The following TMEM232 variants were observed in gnomAD, a reference collection of about 807,000 sequenced individuals.
TMEM232 encodes the protein transmembrane protein 232.
Under a neutral mutation model 78.8 loss-of-function variants are expected in TMEM232, and 80 were observed. The ratio of observed to expected loss-of-function variants is 1.01; its 90% CI spans 0.85 to 1.22. The LOEUF (loss-of-function observed/expected upper bound fraction) is 1.22. TMEM232 is among the 50% of genes most tolerant of loss of function. TMEM232 has a pLI of 0.00. For missense variants in TMEM232, 881 were observed against 742.2 expected (o/e 1.19, Z -2.17); for synonymous variants, 297 against 254.3 (o/e 1.17, Z -1.60).
intron 12 of TMEM232, 26 bp downstream of exon 12, chr5:110,528,562 A>G (rs1470114382): frequency 1.3e-6 from 2 of 1,502,942 alleles, no homozygotes; most frequent in Admixed American, 4.4e-5. Context: ...TATTAGAACA[A>G]TAAAACCGAT....
At chr5:110,724,029 T>C (rs1052091943) in intron 1 of TMEM232, among the ~76,000 whole-genome samples, 1 of 152,306 alleles carries the variant, frequency 6.6e-6, no homozygotes, top group Non-Finnish European at 1.5e-5. Flanking sequence ...GTCAAGTTGT[T>C]GGAGACGAGT....
chr5:110,412,499 G>A (rs777371131), intron 2 of TMEM232, among the ~76,000 whole-genome samples: 151 of 151,058 alleles, frequency 1.0e-3, no homozygotes, highest in Non-Finnish European at 1.7e-3. Context: ...TTGATATGTC[G>A]AATATGTGAC....
At chr5:110,618,011 A>T (rs1310407837) in intron 8 of TMEM232, 3 of 170,244 alleles carry the variant, frequency 1.8e-5, no homozygotes, top group Non-Finnish European at 3.7e-5. Context: ...ACCAAAAAAA[A>T]TTTTTTTTTA....
intron 11 of TMEM232, among the ~76,000 whole-genome samples, chr5:110,544,061 A>T (rs1773481604): frequency 6.6e-6 from 1 of 152,178 alleles, no homozygotes; most frequent in Non-Finnish European, 1.5e-5. Flanking sequence ...CCTGGCAATG[A>T]ACATTATCTC....
intron 1 of TMEM232, among the ~76,000 whole-genome samples, chr5:110,691,604 G>C (rs1003283708): frequency 4.6e-5 from 7 of 152,174 alleles, no homozygotes; most frequent in Non-Finnish European, 8.8e-5. Flanking sequence ...ACTCTCCTCT[G>C]CAGGGCTGGA....
chr5:110,585,994 G>A (rs1366116289), intron 10 of TMEM232, among the ~76,000 whole-genome samples: 1 of 152,016 alleles, frequency 6.6e-6, no homozygotes, highest in Non-Finnish European at 1.5e-5. Context: ...TAGATTTTTC[G>A]AACTTCTGAC....
rs1376627658 is a variant in TMEM232 at position 110,528,811 on chromosome 5, G to C, written c.1480C>G (p.Pro494Ala). The part of the protein sequence containing the change: ...AQAELNDPTD[P>A]FTRYSTNISS... ...ATATTTGTACTATATCTAGTGAAAG[G>C]ATCAGTTGGGTCATTTAACTCAGCC... The change falls in exon 12 of 14, where the codon CCT becomes GCT. Residue 494 changes from proline (P) to alanine (A), a missense_variant. Transcript: ENST00000455884. The C allele has an allele frequency of 1.5e-5, 23 of 1,498,042 alleles. No individual in the cohort carries two copies. The highest frequency in any genetic ancestry group is 1.9e-5 in the Non-Finnish European group (21 of 1,126,470). The allele number at this position is 1,498,042 out of a possible 1,614,324, so 92.8% of individuals were successfully genotyped here. A position where few individuals can be genotyped will look rare whatever the true frequency, so the allele number is the denominator to read the frequency against.
intron 12 of TMEM232, among the ~76,000 whole-genome samples, chr5:110,472,504 C>G (rs1041295910): frequency 6.6e-6 from 1 of 151,818 alleles, no homozygotes; most frequent in Non-Finnish European, 1.5e-5. Flanking sequence ...AATGCAATAC[C>G]TATCAAAATA....
intron 13 of TMEM232, among the ~76,000 whole-genome samples, chr5:110,422,297 C>A (rs1396704288): frequency 6.6e-6 from 1 of 151,774 alleles, no homozygotes; most frequent in Non-Finnish European, 1.5e-5. Flanking sequence ...GGGCGGATCA[C>A]GAGGTCAGGA....
intron 2 of TMEM232, among the ~76,000 whole-genome samples, chr5:110,664,127 A>C (rs546888546): frequency 1.6e-4 from 24 of 152,228 alleles, no homozygotes; most frequent in African/African-American, 4.6e-4. Context: ...GAGATAGAGA[A>C]AGACCCTGTC....
Position 110,618,474 on chromosome 5 carries a change from A to T in TMEM232, c.857T>A (p.Leu286His). The T allele has an allele frequency of 6.4e-7, 1 of 1,551,692 alleles. No individual in the cohort carries two copies. The highest frequency in any genetic ancestry group is 8.7e-7 in the Non-Finnish European group (1 of 1,146,876). Residue 286 changes from leucine to histidine, a missense_variant, in exon 8 of 14, where the codon CTT (leucine) becomes CAT (histidine). Coordinates refer to ENST00000455884, the MANE Select transcript of TMEM232 (RefSeq NM_001039763.4). The part of the protein sequence containing the change: ...QNNSPQLNNV[L>H]EHLVFHKTQL... ...TGTCTTATGGAAGACGAGATGTTCA[A>T]GCACGTTATTCAACTGAGGACTGTT...
At chr5:110,423,985 G>C (rs902782066) in intron 13 of TMEM232, among the ~76,000 whole-genome samples, 1 of 152,070 alleles carries the variant, frequency 6.6e-6, no homozygotes, top group Non-Finnish European at 1.5e-5. Flanking sequence ...GTGAATAATA[G>C]AATATTGCAG....
At chr5:110,538,816 T>G (rs891946567) in intron 11 of TMEM232, among the ~76,000 whole-genome samples, 4 of 130,728 alleles carry the variant, frequency 3.1e-5, no homozygotes, top group African/African-American at 1.5e-4. Flanking sequence ...AATTCAGTTG[T>G]TTTTTTTTTT....
chr5:110,454,736 GA>G (rs892228192), intron 12 of TMEM232, among the ~76,000 whole-genome samples: 4 of 151,074 alleles, frequency 2.6e-5, no homozygotes, highest in African/African-American at 7.3e-5. Flanking sequence ...GTTTATATTA[GA>G]AAAAAAACCT....
At chr5:110,419,372 A>G (rs55839860), downstream of TMEM232, among the ~76,000 whole-genome samples, 5,037 of 152,244 alleles carry the variant, frequency 0.033, 108 homozygotes, top group African/African-American at 0.06. Context: ...TTTTTCTGCC[A>G]TATGTTATTG....
chr5:110,631,407 C>T (rs557935262), intron 5 of TMEM232, among the ~76,000 whole-genome samples: 3 of 152,288 alleles, frequency 2.0e-5, no homozygotes, highest in East Asian at 1.9e-4. Flanking sequence ...GCAGCAATTG[C>T]TGCCACTGGG....
intron 11 of TMEM232, among the ~76,000 whole-genome samples, chr5:110,563,342 GAA>G (rs1209764929): frequency 6.6e-6 from 1 of 151,592 alleles, no homozygotes; most frequent in Non-Finnish European, 1.5e-5. Context: ...GAAGAAAAAA[GAA>G]TATCTTATAT....
chr5:110,618,421 A>C lies in TMEM232; in HGVS notation c.902+8T>G. On this transcript the variant is annotated splice_region_variant and intron_variant, in intron 8 of 13. Transcript: ENST00000455884. ...TGAGTTACTTTGGATTTATAGGATC[A>C]CTCTTACCAGCATTTCTTTTGAAGC... 6.5e-7 allele frequency: 1 copy of C among 1,548,870 alleles called. No homozygotes were observed. The highest frequency in any genetic ancestry group is 8.7e-7 in the Non-Finnish European group (1 of 1,146,180).
chr5:110,431,063 G>T (rs1043777243), intron 12 of TMEM232, among the ~76,000 whole-genome samples: 1 of 151,512 alleles, frequency 6.6e-6, no homozygotes, highest in Admixed American at 6.6e-5. Flanking sequence ...AATCTTACAG[G>T]GTTGACAAAG....
Sources: gnomAD v4.1 joint callset for allele counts (sites outside exome capture counted in the v4.1 genomes callset) on GRCh38, gnomAD v4.1.1 for gene constraint, MANE v1.5 for transcripts, NCBI Gene and HGNC (gene_info 2026-07-23, HGNC 2026-07-21) for gene names.